SLC35F3: variants seen among roughly 807,000 people sequenced by gnomAD.
SLC35F3 encodes solute carrier family 35 member F3, also known as putative thiamine transporter SLC35F3.
In SLC35F3, 25 loss-of-function variants were observed where a neutral mutation model predicts 49.9. The observed-to-expected ratio is 0.50, with a 90% CI of 0.37 to 0.70. SLC35F3 has a LOEUF of 0.70. Ranked by LOEUF, SLC35F3 falls within the 30% of genes least tolerant of loss-of-function variation. The probability of loss-of-function intolerance (pLI) is 0.00; values close to 1 mark genes in which losing one functional copy is unlikely to be tolerated. For synonymous variants in SLC35F3, 275 were observed against 265.4 expected (o/e 1.04, Z -0.35); for missense variants, 525 against 639.8 (o/e 0.82, Z 1.94).
chr1:233,959,875 CA>C (rs892222741), intron 2 of SLC35F3, among the ~76,000 whole-genome samples: 33 of 152,214 alleles, frequency 2.2e-4, no homozygotes, highest in African/African-American at 7.0e-4. Flanking sequence ...TGACTGTGAT[CA>C]GTCAGGTGTG....
intron 2 of SLC35F3, among the ~76,000 whole-genome samples, chr1:234,199,626 C>A (rs1269132809): frequency 6.6e-6 from 1 of 151,040 alleles, no homozygotes; most frequent in East Asian, 1.9e-4. Context: ...GCAACAAAAG[C>A]AAAAACAGTC....
At chr1:234,165,675 C>T (rs1666308088) in intron 2 of SLC35F3, among the ~76,000 whole-genome samples, 1 of 152,132 alleles carries the variant, frequency 6.6e-6, no homozygotes, top group African/African-American at 2.4e-5. Flanking sequence ...CATGAGCCAC[C>T]ACACCTGGCT....
At chr1:234,014,689 A>G (rs927827129) in intron 2 of SLC35F3, among the ~76,000 whole-genome samples, 1 of 152,182 alleles carries the variant, frequency 6.6e-6, no homozygotes, top group Non-Finnish European at 1.5e-5. Flanking sequence ...CTAACAATGA[A>G]CTATCTGAAA....
chr1:234,275,602 G>GACAC (rs58345055), intron 3 of SLC35F3, among the ~76,000 whole-genome samples: 9 of 144,922 alleles, frequency 6.2e-5, no homozygotes, highest in Non-Finnish European at 1.4e-4. Flanking sequence ...CAGACAGACA[G>GACAC]ACACACACAC....
chr1:234,050,338 T>G (rs560112102), intron 2 of SLC35F3, among the ~76,000 whole-genome samples: 2 of 152,324 alleles, frequency 1.3e-5, no homozygotes, highest in East Asian at 3.9e-4. Context: ...TTCTAACTGG[T>G]GTGAGATGGT....
chr1:234,304,766 A>C (rs948247028), intron 3 of SLC35F3, among the ~76,000 whole-genome samples: 4 of 152,230 alleles, frequency 2.6e-5, no homozygotes, highest in Non-Finnish European at 5.9e-5. Flanking sequence ...ACACCTTCTC[A>C]TGAGCAGGGG....
chr1:234,054,824 G>A (rs1338531446), intron 2 of SLC35F3, among the ~76,000 whole-genome samples: 1 of 152,076 alleles, frequency 6.6e-6, no homozygotes, highest in Non-Finnish European at 1.5e-5. Context: ...TGGGGTTTTG[G>A]TGTGGATGTC....
chr1:234,298,032 G>T (rs1483371374), intron 3 of SLC35F3, among the ~76,000 whole-genome samples: 2 of 152,060 alleles, frequency 1.3e-5, no homozygotes, highest in Non-Finnish European at 2.9e-5. Context: ...ATATATTTGT[G>T]GCATTAATTG....
chr1:233,953,340 G>A (rs1662640386), intron 2 of SLC35F3, among the ~76,000 whole-genome samples: 2 of 152,136 alleles, frequency 1.3e-5, no homozygotes, highest in African/African-American at 4.8e-5. Context: ...CATAATAAAC[G>A]GGACTATGGA....
chr1:234,024,795 A>G (rs372455910), intron 2 of SLC35F3, among the ~76,000 whole-genome samples: 1 of 152,130 alleles, frequency 6.6e-6, no homozygotes, highest in Non-Finnish European at 1.5e-5. Flanking sequence ...ATACTGCCAC[A>G]TTGGGGATTT....
At chr1:234,058,263 A>G (rs1419963699) in intron 2 of SLC35F3, among the ~76,000 whole-genome samples, 1 of 134,500 alleles carries the variant, frequency 7.4e-6, no homozygotes, top group Non-Finnish European at 1.5e-5. Flanking sequence ...CCAACCTTGT[A>G]TTCCTATAAT....
chr1:234,275,697 A>C (rs1668196152), intron 3 of SLC35F3, among the ~76,000 whole-genome samples: 2 of 151,696 alleles, frequency 1.3e-5, no homozygotes, highest in African/African-American at 4.8e-5. Context: ...GTTTTCCTGC[A>C]GTATGTTCTC....
chr1:234,029,765 G>A (rs1318887675), intron 2 of SLC35F3, among the ~76,000 whole-genome samples: 1 of 152,128 alleles, frequency 6.6e-6, no homozygotes, highest in East Asian at 1.9e-4. Flanking sequence ...GAGAAGCAGA[G>A]GCAGGAGGAT....
chr1:234,112,056 T>C (rs1665414775), intron 2 of SLC35F3, among the ~76,000 whole-genome samples: 1 of 152,134 alleles, frequency 6.6e-6, no homozygotes, highest in East Asian at 1.9e-4. Flanking sequence ...AATTCAGTGC[T>C]TAGACCAGGT....
chr1:233,965,365 C>T (rs1662886915), intron 2 of SLC35F3, among the ~76,000 whole-genome samples: 1 of 152,154 alleles, frequency 6.6e-6, no homozygotes, highest in South Asian at 2.1e-4. Flanking sequence ...TGGTGCTCAC[C>T]TCTTTGTCTA....
intron 4 of SLC35F3, among the ~76,000 whole-genome samples, chr1:234,312,486 T>C (rs994913594): frequency 2.6e-5 from 4 of 152,192 alleles, no homozygotes; most frequent in Non-Finnish European, 5.9e-5. Flanking sequence ...CCAAACAGTA[T>C]CTGGTATCTG....
chr1:234,084,643 C>T (rs959386981), intron 2 of SLC35F3, among the ~76,000 whole-genome samples: 5 of 152,310 alleles, frequency 3.3e-5, no homozygotes, highest in African/African-American at 1.2e-4. Context: ...CTGAATGGAA[C>T]TGCCCACTTC....
At chr1:234,239,914 T>C (rs1360834089) in intron 3 of SLC35F3, among the ~76,000 whole-genome samples, 3 of 152,220 alleles carry the variant, frequency 2.0e-5, no homozygotes. Context: ...CAAAGGTCAC[T>C]GTGGGATTGA....
intron 2 of SLC35F3, among the ~76,000 whole-genome samples, chr1:234,064,289 T>G (rs1405329732): frequency 1.3e-5 from 2 of 152,254 alleles, no homozygotes; most frequent in Admixed American, 1.3e-4. Flanking sequence ...GGAAATGGGC[T>G]GCTAGGCTTT....
Sources: allele counts gnomAD v4.1 joint callset (sites outside exome capture counted in the v4.1 genomes callset), GRCh38; gene constraint gnomAD v4.1.1; transcripts MANE v1.5; gene names NCBI Gene and HGNC (gene_info 2026-07-23, HGNC 2026-07-21).